The following ASPH variants were observed in gnomAD, a reference collection of about 807,000 sequenced individuals.
ASPH encodes aspartate beta-hydroxylase, also known as aspartyl/asparaginyl beta-hydroxylase.
ASPH carries 100 observed loss-of-function variants against 118.4 expected under a neutral mutation model. That is an observed-to-expected ratio of 0.84 (90% confidence interval 0.72 to 1.00). The LOEUF (loss-of-function observed/expected upper bound fraction) is 1.00. ASPH is among the 50% of genes least tolerant of loss of function. The probability of loss-of-function intolerance (pLI) is 0.00; values close to 1 mark genes in which losing one functional copy is unlikely to be tolerated. For missense variants in ASPH, 920 were observed against 919.5 expected, an observed-to-expected ratio of 1.00 and a Z score of -0.01; for synonymous variants, 315 against 325.6, an observed-to-expected ratio of 0.97 and a Z score of 0.35.
Position 61,649,063 on chromosome 8 carries a change from T to C in ASPH, c.490+1987A>G, listed in dbSNP as rs368497725. On this transcript the variant is annotated intron_variant, in intron 5 of 24. Coordinates refer to ENST00000379454, the MANE Select transcript of ASPH (RefSeq NM_004318.4). ...AGGCTGGGATCAGACAAGGCACAAC[T>C]GGCTGGGCCACATTAAGCACAGGTT... Among the ~76,000 whole-genome samples, 7 of 152,202 alleles carry C rather than the reference T, an allele frequency of 4.6e-5. No homozygotes were observed. The East Asian group carries it at 1.2e-3, about 25-fold the overall frequency.
chr8:61,619,034 C>A lies in ASPH; in HGVS notation c.935-15G>T. 6.3e-7 allele frequency: 1 copy of A among 1,575,796 alleles called. No individual in the cohort carries two copies. Among genetic ancestry groups the A allele is most frequent in the Non-Finnish European group, 8.7e-7 (1 of 1,147,576 alleles). ...TCTATTTGTTTCTGAAAATTAAAGA[C>A]AAAACATAGTAAGTACTATGCAAGT... On this transcript the variant is annotated splice_polypyrimidine_tract_variant and intron_variant, in intron 13 of 24. Transcript: ENST00000379454.
intron 18 of ASPH, among the ~76,000 whole-genome samples, chr8:61,561,074 GA>G (rs1829670359): frequency 1.2e-5 from 1 of 85,614 alleles, no homozygotes; most frequent in South Asian, 5.6e-4. Context: ...AAGGAAGGGA[GA>G]GAGGGAGGGA....
chr8:61,562,355 T>G (rs1413254180), intron 18 of ASPH, among the ~76,000 whole-genome samples: 3 of 73,564 alleles, frequency 4.1e-5, no homozygotes, highest in African/African-American at 5.3e-5. Context: ...ACCATACTTC[T>G]GCCAAAAAAA....
At chr8:61,503,642 A>C in intron 24 of ASPH, 133 bp from the exon 25 acceptor site, 1 of 814,662 alleles carries the variant, frequency 1.2e-6, no homozygotes, top group Non-Finnish European at 1.8e-6. Flanking sequence ...TAGAACATCA[A>C]GCCCAAGTTT....
chr8:61,599,953 C>A (rs192058247), intron 14 of ASPH, among the ~76,000 whole-genome samples: 1 of 152,060 alleles, frequency 6.6e-6, no homozygotes, highest in Non-Finnish European at 1.5e-5. Flanking sequence ...GACACAACAA[C>A]GACAACAAGA....
At chr8:61,616,797 T>TG (rs2134132519) in intron 14 of ASPH, among the ~76,000 whole-genome samples, 1 of 152,340 alleles carries the variant, frequency 6.6e-6, no homozygotes, top group Admixed American at 6.5e-5. Context: ...CATGCTCTCC[T>TG]GCTTTGTTTC....
In ASPH at chr8:61,500,907, C is replaced by CTGA. The variant is rs1382522004; in HGVS notation, c.*2449_*2451dup. On this transcript the variant is annotated 3_prime_UTR_variant, in exon 25 of 25. Coordinates refer to ENST00000379454, the MANE Select transcript of ASPH (RefSeq NM_004318.4). ...ATTATTCAACTGGTCATAATCACCC[C>CTGA]TGATAATATTATTACTAATCTTAAT... 4 of 152,054 alleles carry CTGA rather than the reference C, an allele frequency of 2.6e-5. No individual in the cohort carries two copies. The South Asian group carries it at 6.2e-4, about 24-fold the overall frequency. The allele number at this position is 152,054 out of a possible 1,614,324, so 9.4% of individuals were successfully genotyped here.
intron 13 of ASPH, chr8:61,625,275 G>GA: frequency 7.1e-6 from 7 of 985,820 alleles, no homozygotes; most frequent in Non-Finnish European, 8.4e-6. Flanking sequence ...TCATTGCCGT[G>GA]AAATAGCAGC....
At chr8:61,592,436 AT>A (rs1171808337) in intron 14 of ASPH, among the ~76,000 whole-genome samples, 1 of 152,206 alleles carries the variant, frequency 6.6e-6, no homozygotes, top group Non-Finnish European at 1.5e-5. Context: ...TTCAGTTTGG[AT>A]TTCAAGTCAA....
chr8:61,644,195 G>A (rs1253079064), intron 7 of ASPH, among the ~76,000 whole-genome samples, 194 bp from the exon 8 acceptor site: 1 of 152,344 alleles, frequency 6.6e-6, no homozygotes, highest in South Asian at 2.1e-4. Flanking sequence ...AGTAAGGGGG[G>A]CCTGTCATCA....
chr8:61,565,412 T>C (rs1831357829), intron 17 of ASPH, among the ~76,000 whole-genome samples: 1 of 152,232 alleles, frequency 6.6e-6, no homozygotes, highest in Admixed American at 6.5e-5. Flanking sequence ...AAGAGTTTTT[T>C]ATTCCAGACC....
At chr8:61,546,806 G>A (rs1563769852) in intron 21 of ASPH, among the ~76,000 whole-genome samples, 1 of 152,118 alleles carries the variant, frequency 6.6e-6, no homozygotes, top group Non-Finnish European at 1.5e-5. Context: ...TATTTTAGAT[G>A]TTACTTAAAA....
At chr8:61,615,639 T>C (rs901737950) in intron 14 of ASPH, among the ~76,000 whole-genome samples, 1 of 152,200 alleles carries the variant, frequency 6.6e-6, no homozygotes, top group Non-Finnish European at 1.5e-5. Context: ...TTGGATTATT[T>C]TGTAGTTCAC....
chr8:61,608,309 G>A (rs988871691), intron 14 of ASPH, among the ~76,000 whole-genome samples: 2 of 152,150 alleles, frequency 1.3e-5, no homozygotes, highest in Non-Finnish European at 2.9e-5. Context: ...CTGCCGATGA[G>A]ATAGAACATG....
At chr8:61,528,547 A>G (rs763875020) in intron 21 of ASPH, among the ~76,000 whole-genome samples, 38 of 152,252 alleles carry the variant, frequency 2.5e-4, no homozygotes, top group Middle Eastern at 3.4e-3. Flanking sequence ...ATTTTAGAAG[A>G]TTCTTTTATT....
chr8:61,664,272 AAAT>A (rs1453806613), intron 3 of ASPH: 9 of 967,408 alleles, frequency 9.3e-6, no homozygotes, highest in East Asian at 1.2e-4. Context: ...TAGAAATGGT[AAAT>A]AATAATGACA....
chr8:61,653,724 G>A (rs1588709207), intron 3 of ASPH, 64 bp from the exon 4 acceptor site: 3 of 1,466,442 alleles, frequency 2.0e-6, no homozygotes, highest in South Asian at 2.5e-5. Context: ...CATTAAACCA[G>A]GAAAAATAAT....
At chr8:61,622,788 T>C (rs1435387146) in intron 13 of ASPH, among the ~76,000 whole-genome samples, 3 of 152,192 alleles carry the variant, frequency 2.0e-5, no homozygotes, top group Non-Finnish European at 4.4e-5. Context: ...CTTTGCTCAC[T>C]TGCAGGCAGA....
intron 3 of ASPH, among the ~76,000 whole-genome samples, chr8:61,674,719 T>G (rs1326290071): frequency 6.6e-6 from 1 of 152,178 alleles, no homozygotes; most frequent in East Asian, 1.9e-4. Flanking sequence ...TCATAACAAT[T>G]TAAATTTGTC....
Sources: allele counts gnomAD v4.1 joint callset (sites outside exome capture counted in the v4.1 genomes callset), GRCh38; gene constraint gnomAD v4.1.1; transcripts MANE v1.5; gene names NCBI Gene and HGNC (gene_info 2026-07-23, HGNC 2026-07-21).